ROBO1: variants seen among roughly 807,000 people sequenced by gnomAD.
ROBO1 encodes the protein roundabout homolog 1.
Under a neutral mutation model 195.9 loss-of-function variants are expected in ROBO1, and 149 were observed. That is an observed-to-expected ratio of 0.76 (90% confidence interval 0.67 to 0.87). The LOEUF (loss-of-function observed/expected upper bound fraction) is 0.87, where lower values mean the gene tolerates loss of function less well. ROBO1 is among the 40% of genes least tolerant of loss of function. The probability of loss-of-function intolerance (pLI) is 0.00; values close to 1 mark genes in which losing one functional copy is unlikely to be tolerated. For synonymous variants in ROBO1, 816 were observed against 733.2 expected, an observed-to-expected ratio of 1.11 and a Z score of -1.82; for missense variants, 1,933 against 2,068.3, an observed-to-expected ratio of 0.93 and a Z score of 1.27.
chr3:78,702,337 A>G (rs570122354), intron 8 of ROBO1, among the ~76,000 whole-genome samples: 57 of 152,314 alleles, frequency 3.7e-4, no homozygotes, highest in Admixed American at 3.5e-3. Context: ...TTGTGTATTT[A>G]GTTTACTCAA....
rs1197121845 is a variant in ROBO1, at chr3:79,674,969, C to T, written c.-50-85008G>A. On this transcript the variant is annotated intron_variant, in intron 1 of 30. Coordinates refer to ENST00000464233, the MANE Select transcript of ROBO1 (RefSeq NM_002941.4). The stretch of plus-strand genomic sequence containing the variant: ...CAGTCTTTTTATAATTTTAATATGA[C>T]ATTTTCTTAAATTTATTCCTGGTAA... Among the ~76,000 whole-genome samples the T allele has an allele frequency of 2.0e-5, 3 of 151,850 alleles. No individual in the cohort carries two copies. The East Asian group carries it at 5.8e-4, about 30-fold the overall frequency.
At chr3:79,518,569 C>G (rs527616153) in intron 2 of ROBO1, among the ~76,000 whole-genome samples, 1 of 152,140 alleles carries the variant, frequency 6.6e-6, no homozygotes, top group East Asian at 1.9e-4. Flanking sequence ...AGGAGGATTG[C>G]TTTTCAGAAT....
intron 2 of ROBO1, among the ~76,000 whole-genome samples, chr3:79,522,665 C>T (rs1382173038): frequency 6.6e-6 from 1 of 152,166 alleles, no homozygotes; most frequent in African/African-American, 2.4e-5. Flanking sequence ...GAGGAAATAA[C>T]ACCAATAGAT....
intron 3 of ROBO1, among the ~76,000 whole-genome samples, chr3:79,084,381 C>G (rs1296176892): frequency 6.6e-6 from 1 of 152,052 alleles, no homozygotes; most frequent in African/African-American, 2.4e-5. Flanking sequence ...GCCTGTAATC[C>G]CCGCTACTCA....
At chr3:79,182,489 T>C (rs1011506348) in intron 2 of ROBO1, among the ~76,000 whole-genome samples, 2 of 152,006 alleles carry the variant, frequency 1.3e-5, no homozygotes, top group African/African-American at 2.4e-5. Context: ...GAGAAAAATG[T>C]TGGGCTATGA....
At chr3:79,301,256 A>T (rs993076405) in intron 2 of ROBO1, among the ~76,000 whole-genome samples, 1 of 151,892 alleles carries the variant, frequency 6.6e-6, no homozygotes. Context: ...GAAAGAACAA[A>T]CTCCAGAGCG....
intron 2 of ROBO1, among the ~76,000 whole-genome samples, chr3:79,250,676 C>T (rs1053861183): frequency 4.6e-5 from 7 of 151,714 alleles, no homozygotes; most frequent in African/African-American, 1.7e-4. Context: ...GATAAAATAA[C>T]CAGAATAATA....
intron 2 of ROBO1, among the ~76,000 whole-genome samples, chr3:79,178,461 G>A (rs1214862866): frequency 6.6e-6 from 1 of 151,992 alleles, no homozygotes; most frequent in Non-Finnish European, 1.5e-5. Context: ...GCTTATTTTA[G>A]GGAAAAATAA....
At chr3:79,039,669 C>G (rs903316300) in intron 3 of ROBO1, among the ~76,000 whole-genome samples, 1 of 151,978 alleles carries the variant, frequency 6.6e-6, no homozygotes, top group South Asian at 2.1e-4. Flanking sequence ...GTGGCACATG[C>G]CTGTAATCCC....
intron 8 of ROBO1, among the ~76,000 whole-genome samples, chr3:78,700,266 G>T (rs1013396654): frequency 2.0e-5 from 3 of 151,968 alleles, no homozygotes; most frequent in African/African-American, 7.3e-5. Flanking sequence ...TCTCTTCTTC[G>T]CTAGGTTATA....
chr3:79,038,418 G>A (rs1221386499), intron 3 of ROBO1, among the ~76,000 whole-genome samples: 1 of 152,118 alleles, frequency 6.6e-6, no homozygotes, highest in Non-Finnish European at 1.5e-5. Flanking sequence ...TTAATCCCCT[G>A]ATTCTCACAC....
chr3:79,612,938 G>A (rs1560038180), intron 1 of ROBO1, among the ~76,000 whole-genome samples: 1 of 6,762 alleles, frequency 1.5e-4, no homozygotes, highest in African/African-American at 6.1e-4. Context: ...AGTCATCAAG[G>A]GGATCAAAAA....
At chr3:78,716,779 T>C (rs2081913095) in intron 7 of ROBO1, among the ~76,000 whole-genome samples, 1 of 152,096 alleles carries the variant, frequency 6.6e-6, no homozygotes, top group Non-Finnish European at 1.5e-5. Flanking sequence ...GAATGGCACA[T>C]TCCCTAAGGC....
intron 1 of ROBO1, among the ~76,000 whole-genome samples, chr3:79,713,718 T>C (rs1386325772): frequency 6.6e-6 from 1 of 152,208 alleles, no homozygotes; most frequent in East Asian, 1.9e-4. Flanking sequence ...AGGGTTTTTA[T>C]GGTTTTAGGT....
chr3:78,804,054 G>A (rs2084453418), intron 4 of ROBO1, among the ~76,000 whole-genome samples: 1 of 152,070 alleles, frequency 6.6e-6, no homozygotes, highest in Admixed American at 6.6e-5. Flanking sequence ...TCATTTTCCT[G>A]CAAAGTTTGT....
chr3:79,755,874 T>C (rs1269841006), intron 1 of ROBO1, among the ~76,000 whole-genome samples: 2 of 152,228 alleles, frequency 1.3e-5, no homozygotes, highest in Non-Finnish European at 2.9e-5. Flanking sequence ...GTCCTTGATC[T>C]GGCAGTTTGC....
At chr3:78,714,627 A>T (rs888134261) in intron 7 of ROBO1, 103 bp from the exon 8 acceptor site, 15 of 1,063,206 alleles carry the variant, frequency 1.4e-5, no homozygotes, top group Non-Finnish European at 1.9e-5. Flanking sequence ...TTCTTTTCTG[A>T]TAACTTAAAA....
At chr3:78,713,030 T>G (rs1316613582) in intron 8 of ROBO1, among the ~76,000 whole-genome samples, 3 of 152,202 alleles carry the variant, frequency 2.0e-5, no homozygotes, top group African/African-American at 4.8e-5. Flanking sequence ...TGGAGGGCTT[T>G]TGAACTTGGA....
intron 4 of ROBO1, among the ~76,000 whole-genome samples, chr3:78,832,071 T>G (rs916234625): frequency 1.3e-5 from 2 of 152,188 alleles, no homozygotes; most frequent in African/African-American, 4.8e-5. Context: ...TAACACTTAG[T>G]AATGCACACA....
Sources: allele counts gnomAD v4.1 joint callset (sites outside exome capture counted in the v4.1 genomes callset), GRCh38; gene constraint gnomAD v4.1.1; transcripts MANE v1.5; gene names NCBI Gene and HGNC (gene_info 2026-07-23, HGNC 2026-07-21).